MIPOL1: variants seen among roughly 807,000 people sequenced by gnomAD.
MIPOL1 encodes the protein mirror-image polydactyly 1.
A neutral mutation model predicts 60.9 loss-of-function variants in MIPOL1; 57 were observed. That is an observed-to-expected ratio of 0.94 (90% CI 0.76 to 1.17). The LOEUF is 1.17. Among genes scored for constraint, MIPOL1 ranks in the 50% most tolerant of loss-of-function variants. MIPOL1 has a pLI of 0.00. For missense variants in MIPOL1, 551 were observed against 511.6 expected, an observed-to-expected ratio of 1.08 and a Z score of -0.74; for synonymous variants, 179 against 168.8, an observed-to-expected ratio of 1.06 and a Z score of -0.47.
At position 37,546,920 on chromosome 14, in the gene MIPOL1, G is replaced by C; in HGVS notation, c.1278G>C (p.Val426=). The C allele has an allele frequency of 6.2e-7, 1 of 1,613,622 alleles. No individual in the cohort carries two copies. ...CCCAACTTAGGTTGGAAAGGCTGGT[G>C]GATGTACTGAGGAAGAAGGTTGGAA... The part of the protein sequence containing the change: ...NEKVQKLERL[V]DVLRKKVGTG... The change falls in exon 13 of 13, where the codon GTG becomes GTC. Residue 426 remains valine, a synonymous_variant. Transcript: ENST00000684589.
chr14:37,513,184 T>C (rs1408884413), intron 12 of MIPOL1, among the ~76,000 whole-genome samples: 1 of 152,160 alleles, frequency 6.6e-6, no homozygotes, highest in Non-Finnish European at 1.5e-5. Flanking sequence ...TATTCTGAAT[T>C]TGTGAATCAT....
At chr14:37,480,284 A>G (rs2153598022) in intron 11 of MIPOL1, among the ~76,000 whole-genome samples, 1 of 152,294 alleles carries the variant, frequency 6.6e-6, no homozygotes, top group Non-Finnish European at 1.5e-5. Context: ...ATTCTTGATA[A>G]CATAGATGTA....
At chr14:37,316,021 T>C (rs1031819116) in intron 9 of MIPOL1, among the ~76,000 whole-genome samples, 3 of 78,828 alleles carry the variant, frequency 3.8e-5, no homozygotes, top group Non-Finnish European at 4.8e-5. Flanking sequence ...TGTTTATTTA[T>C]TTATTTAATT....
intron 10 of MIPOL1, among the ~76,000 whole-genome samples, chr14:37,418,606 G>A (rs553312901): frequency 1.0e-3 from 152 of 152,132 alleles, no homozygotes; most frequent in African/African-American, 3.6e-3. Context: ...AAGAAAATAT[G>A]TATTTTGGAA....
At chr14:37,366,972 C>T (rs1314972148) in intron 9 of MIPOL1, among the ~76,000 whole-genome samples, 4 of 151,934 alleles carry the variant, frequency 2.6e-5, no homozygotes, top group Admixed American at 2.6e-4. Flanking sequence ...CATAGCTACT[C>T]CTGCCCTTTC....
rs370812184 is a variant in MIPOL1, at chr14:37,301,048, CAT to C, written c.624-6994_624-6993del. 3.7e-4 allele frequency among the ~76,000 whole-genome samples: 5 copies of C among 13,516 alleles called. 2 individuals are homozygous for C. The highest frequency in any genetic ancestry group is 2.2e-3 in the Non-Finnish European group (4 of 1,848). The allele number at this position is 13,516 out of a possible 152,430, so 8.9% of individuals were successfully genotyped here. On this transcript the variant is annotated intron_variant, in intron 7 of 12. Transcript: ENST00000684589. Reference sequence around the variant, plus strand: ...GCAGACAGAGTAGGAAATACACACACATATATATATATATAGTAGTATCTTAT... The same window carrying C: ...GCAGACAGAGTAGGAAATACACACACATATATATATATAGTAGTATCTTAT...
chr14:37,551,379 T>C (rs2095561348), downstream of MIPOL1: 1 of 152,076 alleles, frequency 6.6e-6, no homozygotes. Flanking sequence ...ACAGATTAAG[T>C]TCACTGTCAA....
At chr14:37,229,546 C>T (rs142091921) in intron 1 of MIPOL1, among the ~76,000 whole-genome samples, 1 of 152,236 alleles carries the variant, frequency 6.6e-6, no homozygotes, top group African/African-American at 2.4e-5. Flanking sequence ...TACAGAGTAG[C>T]AGACCAATTA....
At chr14:37,205,506 T>A (rs1202736865) in intron 1 of MIPOL1, among the ~76,000 whole-genome samples, 1 of 152,040 alleles carries the variant, frequency 6.6e-6, no homozygotes, top group Non-Finnish European at 1.5e-5. Context: ...CTAGGGTACA[T>A]GTACACAAAG....
intron 11 of MIPOL1, among the ~76,000 whole-genome samples, chr14:37,461,804 G>A (rs964988662): frequency 8.5e-5 from 13 of 152,220 alleles, no homozygotes; most frequent in African/African-American, 3.1e-4. Flanking sequence ...TCCAGGTCAT[G>A]CTGATGCAAG....
At chr14:37,337,356 A>ATT (rs33972471) in intron 9 of MIPOL1, among the ~76,000 whole-genome samples, 10 of 30,056 alleles carry the variant, frequency 3.3e-4, no homozygotes, top group African/African-American at 1.1e-3. Context: ...ATATATATAT[A>ATT]TTTTTTTTTT....
At chr14:37,389,133 G>A (rs1029901626) in intron 10 of MIPOL1, among the ~76,000 whole-genome samples, 1 of 151,930 alleles carries the variant, frequency 6.6e-6, no homozygotes, top group Non-Finnish European at 1.5e-5. Flanking sequence ...ATCTAGGTCT[G>A]CTTCTAAGGA....
chr14:37,362,278 T>C (rs1028046706), intron 9 of MIPOL1, among the ~76,000 whole-genome samples: 4 of 152,202 alleles, frequency 2.6e-5, no homozygotes, highest in Admixed American at 6.5e-5. Context: ...TAGTGCTTCC[T>C]TCAGGAGCTC....
At chr14:37,542,027 T>G (rs1027054676) in intron 12 of MIPOL1, among the ~76,000 whole-genome samples, 2 of 152,242 alleles carry the variant, frequency 1.3e-5, no homozygotes, top group African/African-American at 4.8e-5. Flanking sequence ...CAAGCTCTTA[T>G]AAAGCAGCCT....
intron 10 of MIPOL1, among the ~76,000 whole-genome samples, chr14:37,418,852 C>A (rs947325485): frequency 6.6e-6 from 1 of 151,604 alleles, no homozygotes; most frequent in African/African-American, 2.4e-5. Flanking sequence ...TGTTTTAAAG[C>A]GATATCATTA....
intron 10 of MIPOL1, among the ~76,000 whole-genome samples, chr14:37,375,056 G>C (rs1392611039): frequency 1.3e-5 from 2 of 152,018 alleles, no homozygotes; most frequent in East Asian, 1.9e-4. Flanking sequence ...CTTTTATTTT[G>C]TTGAGCAGTG....
intron 7 of MIPOL1, among the ~76,000 whole-genome samples, chr14:37,305,078 A>G (rs971073759): frequency 6.6e-6 from 1 of 151,844 alleles, no homozygotes; most frequent in Admixed American, 6.6e-5. Flanking sequence ...CATTTTAAAT[A>G]GAAAATTAAA....
At chr14:37,526,369 C>CTTTTTTT (rs1191140443) in intron 12 of MIPOL1, among the ~76,000 whole-genome samples, 4 of 128,206 alleles carry the variant, frequency 3.1e-5, no homozygotes, top group Non-Finnish European at 5.1e-5. Context: ...TACTTCTTTT[C>CTTTTTTT]TTTTTTTTTT....
chr14:37,322,893 T>C lies in MIPOL1; in HGVS notation c.828+14374T>C, dbSNP rs527562313. On this transcript the variant is annotated intron_variant, in intron 9 of 12. Transcript: ENST00000684589. ...GAATATTAGACCTTTGTCAGATAGA[T>C]AGATTGCAAATTTTTCTCTCATTCT... Among the ~76,000 whole-genome samples, 8 of 152,260 alleles carry C rather than the reference T, an allele frequency of 5.3e-5. No individual in the cohort carries two copies. In the South Asian group the frequency reaches 8.3e-4, roughly 16 times the overall value.
Sources: gnomAD v4.1 joint callset for allele counts (sites outside exome capture counted in the v4.1 genomes callset) on GRCh38, gnomAD v4.1.1 for gene constraint, MANE v1.5 for transcripts, NCBI Gene and HGNC (gene_info 2026-07-23, HGNC 2026-07-21) for gene names.